SLC13A1: variants seen among roughly 807,000 people sequenced by gnomAD.
SLC13A1 encodes Na(+)/sulfate cotransporter.
SLC13A1 carries 65 observed loss-of-function variants against 70.0 expected under a neutral mutation model. That is an observed-to-expected ratio of 0.93 (90% confidence interval 0.76 to 1.14). The LOEUF (loss-of-function observed/expected upper bound fraction) is 1.14, where lower values mean the gene tolerates loss of function less well. Among genes scored for constraint, SLC13A1 ranks in the 50% most tolerant of loss-of-function variants. SLC13A1 has a pLI of 0.00. For synonymous variants in SLC13A1, 275 were observed against 250.5 expected (o/e 1.10, Z -0.92); for missense variants, 726 against 717.8 (o/e 1.01, Z -0.13).
intron 10 of SLC13A1, among the ~76,000 whole-genome samples, chr7:123,127,789 G>A (rs561512060): frequency 6.6e-6 from 1 of 150,794 alleles, no homozygotes; most frequent in Non-Finnish European, 1.5e-5. Flanking sequence ...ATTGTATGTG[G>A]GCAAAATACA....
chr7:123,150,357 AT>A (rs1488291902), intron 6 of SLC13A1, among the ~76,000 whole-genome samples: 5 of 152,110 alleles, frequency 3.3e-5, no homozygotes, highest in Non-Finnish European at 7.4e-5. Flanking sequence ...AATAGAGTCA[AT>A]GTTTCTCCTC....
Position 123,117,636 on chromosome 7 carries a change from A to C in SLC13A1, c.1513-28T>G, listed in dbSNP as rs189710817. On this transcript the variant is annotated intron_variant, in intron 13 of 14. Coordinates refer to ENST00000194130, the MANE Select transcript of SLC13A1 (RefSeq NM_022444.4). ...GTTGTAAGAGATAAAAAAGAGTCTA[A>C]GTAAAATTTTGAGGGTAGACACGAA... is the stretch of plus-strand genomic sequence containing the variant. 132 of 1,511,342 alleles carry C rather than the reference A, an allele frequency of 8.7e-5. No individual in the cohort carries two copies. In the African/African-American group the frequency reaches 1.6e-3, roughly 19 times the overall value. The allele number at this position is 1,511,342 out of a possible 1,614,324, so 93.6% of individuals were successfully genotyped here.
At chr7:123,163,301 G>A (rs1041338107) in intron 6 of SLC13A1, among the ~76,000 whole-genome samples, 1 of 151,938 alleles carries the variant, frequency 6.6e-6, no homozygotes, top group Non-Finnish European at 1.5e-5. Flanking sequence ...CTACTTTTAG[G>A]GGGTAATGTG....
At chr7:123,185,209 C>G (rs988332632) in intron 1 of SLC13A1, among the ~76,000 whole-genome samples, 1 of 148,066 alleles carries the variant, frequency 6.8e-6, no homozygotes, top group Non-Finnish European at 1.5e-5. Context: ...GAATAGTTTG[C>G]AAATATTTTA....
chr7:123,116,709 T>C (rs1793191953), intron 14 of SLC13A1, among the ~76,000 whole-genome samples: 1 of 152,208 alleles, frequency 6.6e-6, no homozygotes, highest in South Asian at 2.1e-4. Flanking sequence ...AATGTTTATG[T>C]TGCAGGAGCT....
At chr7:123,178,268 T>C (rs1255295106) in intron 2 of SLC13A1, among the ~76,000 whole-genome samples, 1 of 152,090 alleles carries the variant, frequency 6.6e-6, no homozygotes, top group Non-Finnish European at 1.5e-5. Flanking sequence ...TAGGATTGGC[T>C]TAATAAACAG....
intron 1 of SLC13A1, among the ~76,000 whole-genome samples, chr7:123,197,788 T>A (rs552509729): frequency 6.6e-6 from 1 of 152,132 alleles, no homozygotes; most frequent in Non-Finnish European, 1.5e-5. Flanking sequence ...GAAAAAATAA[T>A]CAGTGGCTGC....
chr7:123,115,728 A>T, intron 14 of SLC13A1, 73 bp from the exon 15 acceptor site: 1 of 1,474,386 alleles, frequency 6.8e-7, no homozygotes, highest in South Asian at 1.2e-5. Context: ...CTATTGTAGG[A>T]TGTATATGCC....
intron 6 of SLC13A1, among the ~76,000 whole-genome samples, chr7:123,163,585 A>G (rs1233511736): frequency 6.6e-6 from 1 of 152,060 alleles, no homozygotes; most frequent in African/African-American, 2.4e-5. Flanking sequence ...CTGTATGAGA[A>G]TTTTGCAGTT....
chr7:123,172,995 G>T (rs1795324158), intron 2 of SLC13A1, among the ~76,000 whole-genome samples: 1 of 151,780 alleles, frequency 6.6e-6, no homozygotes, highest in African/African-American at 2.4e-5. Flanking sequence ...TTTTTAGGTG[G>T]AGCACTTCAT....
chr7:123,141,416 A>G (rs924339686), intron 7 of SLC13A1, among the ~76,000 whole-genome samples: 1 of 152,196 alleles, frequency 6.6e-6, no homozygotes, highest in Admixed American at 6.5e-5. Flanking sequence ...GTAAATATCT[A>G]TTAGATCCAT....
intron 12 of SLC13A1, among the ~76,000 whole-genome samples, chr7:123,120,143 C>T (rs1793326462): frequency 6.6e-6 from 1 of 151,994 alleles, no homozygotes; most frequent in Non-Finnish European, 1.5e-5. Context: ...ATCTATTCAA[C>T]TGTTGTTGTT....
chr7:123,187,295 C>T (rs540996098), intron 1 of SLC13A1, among the ~76,000 whole-genome samples: 1 of 152,032 alleles, frequency 6.6e-6, no homozygotes, highest in African/African-American at 2.4e-5. Flanking sequence ...GGCAGTTCCT[C>T]GTCCCTTAAA....
intron 3 of SLC13A1, among the ~76,000 whole-genome samples, chr7:123,171,081 A>C (rs1795256187): frequency 6.6e-6 from 1 of 152,194 alleles, no homozygotes; most frequent in African/African-American, 2.4e-5. Context: ...AAAGATGAGA[A>C]GGGAAGAAAC....
intron 7 of SLC13A1, among the ~76,000 whole-genome samples, chr7:123,139,383 G>A (rs1337457144): frequency 6.6e-6 from 1 of 152,014 alleles, no homozygotes; most frequent in Non-Finnish European, 1.5e-5. Flanking sequence ...GCTAAAGATA[G>A]CTTTGGCTAT....
At chr7:123,121,240 T>C (rs1793371880) in intron 12 of SLC13A1, among the ~76,000 whole-genome samples, 1 of 152,060 alleles carries the variant, frequency 6.6e-6, no homozygotes, top group Non-Finnish European at 1.5e-5. Context: ...TAGATCTTTA[T>C]ACACTTTTTA....
At chr7:123,144,641 G>T (rs1794288706) in intron 7 of SLC13A1, among the ~76,000 whole-genome samples, 1 of 152,060 alleles carries the variant, frequency 6.6e-6, no homozygotes, top group Admixed American at 6.6e-5. Context: ...AACATCCGCA[G>T]GCTGGAGTAC....
intron 6 of SLC13A1, among the ~76,000 whole-genome samples, chr7:123,148,132 T>C (rs568745430): frequency 1.2e-4 from 18 of 152,132 alleles, no homozygotes; most frequent in Non-Finnish European, 2.2e-4. Context: ...AAAAAATAAA[T>C]CCATTTTTTT....
intron 9 of SLC13A1, 135 bp downstream of exon 9, chr7:123,129,247 TA>T: frequency 1.3e-6 from 1 of 773,962 alleles, no homozygotes; most frequent in South Asian, 1.8e-5. Flanking sequence ...TCAAGTGTTA[TA>T]AATACCTTGC....
Sources: allele counts gnomAD v4.1 joint callset (sites outside exome capture counted in the v4.1 genomes callset), GRCh38; gene constraint gnomAD v4.1.1; transcripts MANE v1.5; gene names NCBI Gene and HGNC (gene_info 2026-07-23, HGNC 2026-07-21).